The following ELOVL4 variants were observed in gnomAD, a reference collection of about 807,000 sequenced individuals.
ELOVL4 encodes ELOVL fatty acid elongase 4.
ELOVL4 carries 18 observed loss-of-function variants against 42.1 expected under a neutral mutation model. The observed-to-expected ratio is 0.43, with a 90% CI of 0.30 to 0.63. ELOVL4 has a LOEUF of 0.63. Ranked by LOEUF, ELOVL4 falls within the 30% of genes least tolerant of loss-of-function variation. ELOVL4 has a pLI of 0.15. For missense variants in ELOVL4, 299 were observed against 376.2 expected, an observed-to-expected ratio of 0.79 and a Z score of 1.70; for synonymous variants, 117 against 127.0, an observed-to-expected ratio of 0.92 and a Z score of 0.53.
chr6:79,928,700 C>A (rs187868786), intron 1 of ELOVL4, among the ~76,000 whole-genome samples: 1 of 148,354 alleles, frequency 6.7e-6, no homozygotes, highest in African/African-American at 2.5e-5. Context: ...CACACAAGAC[C>A]CTACCAGTAA....
In ELOVL4 at chr6:79,926,309, A is replaced by C; in HGVS notation, c.173T>G (p.Leu58Arg). The C allele has an allele frequency of 6.2e-7, 1 of 1,614,104 alleles. No individual in the cohort carries two copies. Among genetic ancestry groups the C allele is most frequent in the Non-Finnish European group, 8.5e-7 (1 of 1,179,988 alleles). The stretch of plus-strand genomic sequence containing the variant: ...CCATTTTGGACCCAGCCACACAAAC[A>C]GGAGATAAAGAGTGCTTATACTTAG... ...PTLSISTLYL[L>R]FVWLGPKWMK... Residue 58 changes from leucine (L) to arginine (R), a missense_variant, in exon 2 of 6, where the codon CTG (leucine) becomes CGG (arginine). Leu to Arg is a moderately radical substitution (Grantham distance 102). Transcript: ENST00000369816.
rs886556050 is a variant in ELOVL4, at chr6:79,915,409, C to T, written c.*1199G>A. ...GCATTGAATTTAACAATCTTTAGCA[C>T]CAAGGAGTCAAGAATATTGCACCAA... On this transcript the variant is annotated 3_prime_UTR_variant, in exon 6 of 6. Transcript: ENST00000369816. 1 of 152,520 alleles carries T rather than the reference C, an allele frequency of 6.6e-6. No homozygotes were observed. Among genetic ancestry groups the T allele is most frequent in the Non-Finnish European group, 1.5e-5 (1 of 67,994 alleles). The allele number at this position is 152,520 out of a possible 1,614,324, so 9.4% of individuals were successfully genotyped here.
chr6:79,945,113 G>A (rs1774716650), intron 1 of ELOVL4, among the ~76,000 whole-genome samples: 2 of 151,734 alleles, frequency 1.3e-5, no homozygotes, highest in African/African-American at 4.8e-5. Flanking sequence ...TCCTCACACA[G>A]CAGTACAGCA....
chr6:79,947,173 G>T lies in ELOVL4; in HGVS notation c.100+7C>A, dbSNP rs1774762020. On this transcript the variant is annotated splice_region_variant and intron_variant, in intron 1 of 5. Coordinates refer to ENST00000369816, the MANE Select transcript of ELOVL4 (RefSeq NM_022726.4). ...CCGAGCGAGGATGGGGAAGTCAGCG[G>T]CTTTACCTGCGATGGACCAGGTCCA... 3.1e-6 allele frequency: 5 copies of T among 1,610,352 alleles called. No homozygotes were observed. Among genetic ancestry groups the T allele is most frequent in the Non-Finnish European group, 4.2e-6 (5 of 1,177,898 alleles).
At chr6:79,937,000 G>C (rs9448862) in intron 1 of ELOVL4, among the ~76,000 whole-genome samples, 23,040 of 152,200 alleles carry the variant, frequency 0.15, 1,959 homozygotes, top group South Asian at 0.36. Context: ...TGGATGAATG[G>C]GAGGAAAGGG....
chr6:79,926,513 C>A, intron 1 of ELOVL4, 132 bp from the exon 2 acceptor site: 1 of 876,214 alleles, frequency 1.1e-6, no homozygotes, highest in African/African-American at 1.7e-5. Context: ...CTTTGAGTCC[C>A]AACAAAAAAT....
At chr6:79,941,120 T>C (rs901051752) in intron 1 of ELOVL4, among the ~76,000 whole-genome samples, 1 of 152,230 alleles carries the variant, frequency 6.6e-6, no homozygotes, top group African/African-American at 2.4e-5. Context: ...CTGATAAATG[T>C]ATATTTATTT....
intron 1 of ELOVL4, among the ~76,000 whole-genome samples, chr6:79,932,655 T>C (rs1022758122): frequency 2.5e-4 from 38 of 152,128 alleles, no homozygotes; most frequent in African/African-American, 8.9e-4. Flanking sequence ...TCACATAGCA[T>C]GGTGGAATAG....
At chr6:79,924,053 T>G (rs1183785505) in intron 3 of ELOVL4, among the ~76,000 whole-genome samples, 1 of 152,314 alleles carries the variant, frequency 6.6e-6, no homozygotes. Context: ...CCACAGTATA[T>G]AAGAAGAGTT....
intron 1 of ELOVL4, among the ~76,000 whole-genome samples, chr6:79,940,838 C>T (rs1031247813): frequency 4.6e-5 from 7 of 152,112 alleles, no homozygotes; most frequent in Non-Finnish European, 2.9e-5. Flanking sequence ...CTACTGTTTT[C>T]GATAAAATAG....
intron 1 of ELOVL4, among the ~76,000 whole-genome samples, chr6:79,931,011 C>A (rs1426839589): frequency 2.0e-5 from 3 of 152,192 alleles, no homozygotes; most frequent in Admixed American, 2.0e-4. Flanking sequence ...TGAAGTCAAA[C>A]CCTGTCGCCA....
At chr6:79,933,220 T>G (rs188230818) in intron 1 of ELOVL4, among the ~76,000 whole-genome samples, 1,584 of 151,694 alleles carry the variant, frequency 0.01, 42 homozygotes, top group African/African-American at 0.036. Context: ...ATTTGATTGT[T>G]TTTGTTTGTT....
intron 1 of ELOVL4, among the ~76,000 whole-genome samples, chr6:79,928,599 T>G (rs564605362): frequency 1.3e-5 from 2 of 151,722 alleles, no homozygotes; most frequent in South Asian, 4.2e-4. Flanking sequence ...AGTGAGAAGC[T>G]GAAGATCTTA....
chr6:79,937,028 A>T (rs1343344918), intron 1 of ELOVL4, among the ~76,000 whole-genome samples: 1 of 152,196 alleles, frequency 6.6e-6, no homozygotes, highest in African/African-American at 2.4e-5. Context: ...TGCAGAATGC[A>T]GGGGTAGATA....
At position 79,925,044 on chromosome 6, in the gene ELOVL4, G is replaced by GTT; in HGVS notation, c.289-13_289-12insAA. Reference sequence around the variant, plus strand: ...GATCCCATGAATAACTGGAAAAAGAGTAATAATATTTGTAGTAAAGTTTTA... The same window carrying GTT: ...GATCCCATGAATAACTGGAAAAAGAGTTTAATAATATTTGTAGTAAAGTTTTA... On this transcript the variant is annotated splice_polypyrimidine_tract_variant and intron_variant, in intron 2 of 5. Transcript: ENST00000369816. 6.4e-7 allele frequency: 1 copy of GTT among 1,552,514 alleles called. No individual in the cohort carries two copies. Among genetic ancestry groups the GTT allele is most frequent in the African/African-American group, 1.4e-5 (1 of 73,764 alleles).
intron 4 of ELOVL4, 89 bp downstream of exon 4, chr6:79,921,536 G>T: frequency 5.7e-6 from 5 of 872,536 alleles, no homozygotes; most frequent in Non-Finnish European, 9.1e-6. Flanking sequence ...TTAAATGGTA[G>T]ATCAAGTCAA....
At chr6:79,926,404 T>C (rs1339478702) in intron 1 of ELOVL4, 23 bp from the exon 2 acceptor site, 2 of 1,597,640 alleles carry the variant, frequency 1.3e-6, no homozygotes, top group Non-Finnish European at 1.7e-6. Context: ...CAAAATACCA[T>C]AAAATTCATT....
chr6:79,917,337 G>A (rs150627914), intron 5 of ELOVL4, among the ~76,000 whole-genome samples: 2 of 152,226 alleles, frequency 1.3e-5, no homozygotes, highest in Admixed American at 6.5e-5. Flanking sequence ...TGGCCTAGGA[G>A]AGTAAAGTAA....
At chr6:79,941,006 A>C (rs1225031043) in intron 1 of ELOVL4, among the ~76,000 whole-genome samples, 1 of 147,540 alleles carries the variant, frequency 6.8e-6, no homozygotes, top group Non-Finnish European at 1.5e-5. Flanking sequence ...AAAAAGTAAA[A>C]AGAACTAAAT....
Sources: gnomAD v4.1 joint callset for allele counts (sites outside exome capture counted in the v4.1 genomes callset) on GRCh38, gnomAD v4.1.1 for gene constraint, MANE v1.5 for transcripts, NCBI Gene and HGNC (gene_info 2026-07-23, HGNC 2026-07-21) for gene names.